Variants in C12orf42 observed in about 807,000 individuals in gnomAD.
The protein encoded by C12orf42 is uncharacterized protein C12orf42.
A neutral mutation model predicts 21.6 loss-of-function variants in C12orf42; 25 were observed. That is an observed-to-expected ratio of 1.16 (90% CI 0.84 to 1.62). The LOEUF (loss-of-function observed/expected upper bound fraction) is 1.62, where lower values mean the gene tolerates loss of function less well. C12orf42 is among the 40% of genes most tolerant of loss of function. The pLI, the probability that C12orf42 is intolerant of heterozygous loss-of-function variation, is 0.00. For synonymous variants in C12orf42, 174 were observed against 175.0 expected (o/e 0.99, Z 0.05); for missense variants, 483 against 459.3 (o/e 1.05, Z -0.47).
chr12:103,146,560 A>AAAAGAAAGAAAGAAAGAAAGAATGAAAG, the C12orf42 span, among the ~76,000 whole-genome samples: 1 of 119,958 alleles, frequency 8.3e-6, no homozygotes, highest in Admixed American at 9.1e-5. Context: ...ATAAAGAAAG[A>AAAAGAAAGAAAGAAAGAAAGAATGAAAG]AAAGAAAGAA....
the C12orf42 span, among the ~76,000 whole-genome samples, chr12:103,087,906 G>A: frequency 1.3e-5 from 2 of 152,302 alleles, no homozygotes; most frequent in Admixed American, 1.3e-4. Context: ...TTATAAACTA[G>A]AACCCATTAT....
At chr12:103,316,014 T>A (rs2039450874) in intron 4 of C12orf42, among the ~76,000 whole-genome samples, 2 of 151,414 alleles carry the variant, frequency 1.3e-5, no homozygotes, top group Non-Finnish European at 2.9e-5. Flanking sequence ...AATGCTTTTA[T>A]GTATATATAC....
At chr12:103,053,327 G>A in the C12orf42 span, among the ~76,000 whole-genome samples, 2 of 151,778 alleles carry the variant, frequency 1.3e-5, no homozygotes, top group African/African-American at 4.8e-5. Flanking sequence ...ACTCACTGTG[G>A]CTTTAATTTG....
At chr12:103,509,581 A>T in the C12orf42 span, among the ~76,000 whole-genome samples, 1 of 152,228 alleles carries the variant, frequency 6.6e-6, no homozygotes, top group Non-Finnish European at 1.5e-5. Flanking sequence ...GGTACTAGAT[A>T]CTGCACATGG....
chr12:103,546,747 T>C, the C12orf42 span, among the ~76,000 whole-genome samples: 31,849 of 152,198 alleles, frequency 0.21, 3,545 homozygotes, highest in East Asian at 0.39. Context: ...GCATATAAAA[T>C]GTTTTAAGCT....
intron 10 of C12orf42, among the ~76,000 whole-genome samples, chr12:103,252,263 T>C (rs1018551236): frequency 1.3e-5 from 2 of 152,204 alleles, no homozygotes; most frequent in South Asian, 2.1e-4. Context: ...TATGTGTGCA[T>C]AGGTCTTTAT....
downstream of C12orf42, among the ~76,000 whole-genome samples, chr12:103,298,690 C>T (rs1027127867): frequency 3.3e-5 from 5 of 152,142 alleles, no homozygotes; most frequent in Non-Finnish European, 7.4e-5. Flanking sequence ...GGAATGCACC[C>T]TTGGCTCTTG....
At chr12:103,156,285 C>T in the C12orf42 span, 6 of 152,090 alleles carry the variant, frequency 3.9e-5, no homozygotes, top group East Asian at 1.2e-3. Context: ...ACAGACCAAG[C>T]TAATCTATGG....
the C12orf42 span, among the ~76,000 whole-genome samples, chr12:103,159,129 T>C: frequency 1.3e-5 from 2 of 152,206 alleles, no homozygotes; most frequent in Non-Finnish European, 2.9e-5. Flanking sequence ...TTTGTCTCCT[T>C]GCCAGAAGAT....
chr12:103,247,105 A>C lies in C12orf42; in HGVS notation c.*1367-9203T>G, dbSNP rs79627006. 7.6e-4 allele frequency among the ~76,000 whole-genome samples: 116 copies of C among 152,166 alleles called. 1 individual carries two copies. The East Asian group carries it at 0.02, about 26-fold the overall frequency. The stretch of plus-strand genomic sequence containing the variant: ...CAAACTATAAAATCAGTATTTGATA[A>C]GAAATTTCAAGACTATGAATTCTCA... On this transcript the variant is annotated intron_variant and NMD_transcript_variant, in intron 10 of 10. Coordinates refer to the C12orf42 transcript ENST00000547347.
chr12:103,145,380 G>A, the C12orf42 span, among the ~76,000 whole-genome samples: 18 of 152,278 alleles, frequency 1.2e-4, no homozygotes, highest in African/African-American at 4.3e-4. Context: ...GCCATTGACA[G>A]AGATGTTACA....
the C12orf42 span, among the ~76,000 whole-genome samples, chr12:103,562,556 C>T: frequency 6.6e-6 from 1 of 152,314 alleles, no homozygotes; most frequent in Admixed American, 6.5e-5. Flanking sequence ...AAATCCTTAC[C>T]TCAGCATGGC....
At chr12:103,536,246 A>G in the C12orf42 span, among the ~76,000 whole-genome samples, 1 of 152,196 alleles carries the variant, frequency 6.6e-6, no homozygotes, top group African/African-American at 2.4e-5. Flanking sequence ...AGATGATGGG[A>G]CCATTCTCTG....
the C12orf42 span, among the ~76,000 whole-genome samples, chr12:103,123,475 C>T: frequency 6.6e-6 from 1 of 152,032 alleles, no homozygotes; most frequent in African/African-American, 2.4e-5. Flanking sequence ...AAAAACATGA[C>T]CTGAGAAAGT....
chr12:103,308,402 A>G (rs1160345175), intron 4 of C12orf42, among the ~76,000 whole-genome samples: 1 of 152,216 alleles, frequency 6.6e-6, no homozygotes, highest in Non-Finnish European at 1.5e-5. Context: ...TTCAAATTTT[A>G]TGCACTCAAT....
At chr12:103,130,612 T>C in the C12orf42 span, among the ~76,000 whole-genome samples, 2 of 151,914 alleles carry the variant, frequency 1.3e-5, no homozygotes, top group South Asian at 2.1e-4. Flanking sequence ...TCAGCACCCA[T>C]GGAGGGGAGA....
intron 4 of C12orf42, among the ~76,000 whole-genome samples, chr12:103,334,822 G>A (rs889262134): frequency 2.0e-5 from 3 of 152,140 alleles, no homozygotes; most frequent in Non-Finnish European, 4.4e-5. Context: ...TTAGTTTTTC[G>A]ACCCCACTCA....
intron 4 of C12orf42, among the ~76,000 whole-genome samples, chr12:103,285,896 T>C (rs2036420957): frequency 6.6e-6 from 1 of 152,320 alleles, no homozygotes. Context: ...GAATCTTCAG[T>C]ACTTAAAACA....
In C12orf42 at chr12:103,329,657, C is replaced by T. The variant is rs115380708; in HGVS notation, c.260-23312G>A. ...CCCAAAGAGACTCAACTAAATGATG[C>T]CACTGCTCTTTACAAAACACAAAGG... On this transcript the variant is annotated intron_variant, in intron 4 of 5. Transcript: ENST00000548883. Among the ~76,000 whole-genome samples, 1,191 of 148,266 alleles carry T rather than the reference C, an allele frequency of 8.0e-3. 15 individuals are homozygous for T. The highest frequency in any genetic ancestry group is 0.021 in the African/African-American group (850 of 40,556).
Sources: allele counts gnomAD v4.1 joint callset (sites outside exome capture counted in the v4.1 genomes callset), GRCh38; gene constraint gnomAD v4.1.1; transcripts MANE v1.5; gene names NCBI Gene and HGNC (gene_info 2026-07-23, HGNC 2026-07-21).